PDGFC: variants seen among roughly 807,000 people sequenced by gnomAD.
The protein encoded by PDGFC is platelet derived growth factor C.
In PDGFC, 12 loss-of-function variants were observed where a neutral mutation model predicts 35.5. That is an observed-to-expected ratio of 0.34 (90% CI 0.22 to 0.55). PDGFC has a LOEUF of 0.55. PDGFC is among the 20% of genes least tolerant of loss of function. PDGFC has a pLI of 0.91. For missense variants in PDGFC, 322 were observed against 412.4 expected (o/e 0.78, Z 1.90); for synonymous variants, 159 against 148.8 (o/e 1.07, Z -0.50).
At chr4:156,819,538 T>C (rs1348304134) in intron 2 of PDGFC, among the ~76,000 whole-genome samples, 1 of 152,220 alleles carries the variant, frequency 6.6e-6, no homozygotes, top group Non-Finnish European at 1.5e-5. Context: ...GTTTACAGCA[T>C]GGTTTACTAA....
intron 1 of PDGFC, among the ~76,000 whole-genome samples, chr4:156,912,425 G>A (rs1731059413): frequency 6.6e-6 from 1 of 152,118 alleles, no homozygotes; most frequent in South Asian, 2.1e-4. Flanking sequence ...ATGTGGAAGT[G>A]GTCAGGGTTC....
At position 156,825,587 on chromosome 4, in the gene PDGFC, TAATAATAAGAAG is replaced by T. The variant is rs1418123670; in HGVS notation, c.315-14582_315-14571del. ...ATAATAATAATAATAATAATAATAA[TAATAATAAGAAG>T]AAGAAGAAGAAGAAGAAGAAGAAGA... On this transcript the variant is annotated intron_variant, in intron 2 of 5. Transcript: ENST00000502773. Among the ~76,000 whole-genome samples, 682 of 87,052 alleles carry T rather than the reference TAATAATAAGAAG, an allele frequency of 7.8e-3. 3 individuals carry two copies. The highest frequency in any genetic ancestry group is 0.014 in the African/African-American group (234 of 16,226). 57.1% of individuals were successfully genotyped at this position (87,052 alleles called of 152,430 possible).
Position 156,970,990 on chromosome 4 carries a change from C to T in PDGFC, c.-87G>A. ...CTCTTTCACCACCGCCAGGGGAAGGCTGCACTGGGGTGGAAGCGCCGAGCC... is the reference window on the plus strand; with the variant it reads ...CTCTTTCACCACCGCCAGGGGAAGGTTGCACTGGGGTGGAAGCGCCGAGCC... On this transcript the variant is annotated 5_prime_UTR_variant, in exon 1 of 6. Coordinates refer to ENST00000502773, the MANE Select transcript of PDGFC (RefSeq NM_016205.3). 2 of 835,308 alleles carry T rather than the reference C, an allele frequency of 2.4e-6. No homozygotes were observed. The highest frequency in any genetic ancestry group is 2.9e-5 in the South Asian group (2 of 68,904). The allele number at this position is 835,308 out of a possible 1,614,324, so 51.7% of individuals were successfully genotyped here.
At position 156,785,841 on chromosome 4, in the gene PDGFC, C is replaced by G. The variant is rs555993296; in HGVS notation, c.496-12948G>C. Among the ~76,000 whole-genome samples, 8 of 152,258 alleles carry G rather than the reference C, an allele frequency of 5.3e-5. No homozygotes were observed. The East Asian group carries it at 1.4e-3, about 26-fold the overall frequency. ...AGTCACAGTGAGATTTAATAAAGTT[C>G]TAGGTCAGTTGATCAATATCTTCCC... is the stretch of plus-strand genomic sequence containing the variant. On this transcript the variant is annotated intron_variant, in intron 3 of 5. Coordinates refer to ENST00000502773, the MANE Select transcript of PDGFC (RefSeq NM_016205.3).
chr4:156,829,362 T>A (rs1433173325), intron 2 of PDGFC, among the ~76,000 whole-genome samples: 3 of 152,198 alleles, frequency 2.0e-5, no homozygotes, highest in Admixed American at 6.5e-5. Context: ...ATCATTGTAA[T>A]AAGTCCTGCT....
chr4:156,875,691 G>T (rs983215135), intron 1 of PDGFC, among the ~76,000 whole-genome samples: 2 of 152,194 alleles, frequency 1.3e-5, no homozygotes, highest in East Asian at 1.9e-4. Flanking sequence ...GCTGAGGTGG[G>T]CAGATCACTT....
At chr4:156,909,007 T>C (rs1216448814) in intron 1 of PDGFC, among the ~76,000 whole-genome samples, 3 of 152,156 alleles carry the variant, frequency 2.0e-5, no homozygotes, top group Non-Finnish European at 4.4e-5. Context: ...CAATTTCATG[T>C]TTGTAAAACG....
intron 1 of PDGFC, among the ~76,000 whole-genome samples, chr4:156,920,678 C>CAT (rs1731254560): frequency 6.6e-6 from 1 of 151,142 alleles, no homozygotes; most frequent in South Asian, 2.1e-4. Flanking sequence ...CACACACACA[C>CAT]ACACACACAC....
At position 156,876,968 on chromosome 4, in the gene PDGFC, G is replaced by A. The variant is rs77950919; in HGVS notation, c.119-26552C>T. On this transcript the variant is annotated intron_variant, in intron 1 of 5. Transcript: ENST00000502773. ...AATAAAATGAATGTATCTGCATTCT[G>A]CTTTTCAACAGTCAAAAACAATACA... 9.2e-3 allele frequency: 1,406 copies of A among 152,132 alleles called. 20 individuals are homozygous for A. The highest frequency in any genetic ancestry group is 0.031 in the African/African-American group (1,308 of 41,538). 9.4% of individuals were successfully genotyped at this position (152,132 alleles called of 1,614,324 possible).
chr4:156,903,104 A>AGAGAGTGTGTGTGTGT (rs368483475), intron 1 of PDGFC, among the ~76,000 whole-genome samples: 1 of 130,678 alleles, frequency 7.7e-6, no homozygotes, highest in African/African-American at 2.8e-5. Flanking sequence ...AGAGAGAGAG[A>AGAGAGTGTGTGTGTGT]GTGTGTGTGT....
intron 1 of PDGFC, among the ~76,000 whole-genome samples, chr4:156,918,948 T>C (rs1339458090): frequency 1.3e-5 from 2 of 152,190 alleles, no homozygotes. Context: ...TATTGTACTA[T>C]AATAAAGCTA....
intron 1 of PDGFC, among the ~76,000 whole-genome samples, chr4:156,937,695 T>G (rs183330534): frequency 1.3e-5 from 2 of 152,216 alleles, no homozygotes; most frequent in East Asian, 3.9e-4. Flanking sequence ...AACAAAACTT[T>G]TCTAAATAAA....
At chr4:156,933,802 C>G (rs1731611730) in intron 1 of PDGFC, among the ~76,000 whole-genome samples, 1 of 152,068 alleles carries the variant, frequency 6.6e-6, no homozygotes, top group Non-Finnish European at 1.5e-5. Flanking sequence ...AAAAGTGTAG[C>G]ACTTTCCCCG....
chr4:156,865,806 T>A lies in PDGFC; in HGVS notation c.119-15390A>T, dbSNP rs111425494. 6.0e-3 allele frequency among the ~76,000 whole-genome samples: 916 copies of A among 152,340 alleles called. 5 individuals carry two copies. The highest frequency in any genetic ancestry group is 0.021 in the African/African-American group (862 of 41,574). On this transcript the variant is annotated intron_variant, in intron 1 of 5. Transcript: ENST00000502773. ...GGGTGAGTTGTAGCAGAAGTTCATA[T>A]GTTTTAAAATGAGCAGTGGTTTTCT...
At chr4:156,803,729 A>G (rs1050407985) in intron 3 of PDGFC, among the ~76,000 whole-genome samples, 2 of 152,246 alleles carry the variant, frequency 1.3e-5, no homozygotes, top group East Asian at 3.9e-4. Context: ...AAATTAACTG[A>G]CAAAATTAAA....
At chr4:156,813,020 C>G (rs1031958019) in intron 2 of PDGFC, among the ~76,000 whole-genome samples, 21 of 152,174 alleles carry the variant, frequency 1.4e-4, no homozygotes, top group African/African-American at 5.1e-4. Flanking sequence ...CCAGTATAAC[C>G]ATTCCAGGAG....
chr4:156,922,213 T>C (rs1469927979), intron 1 of PDGFC, among the ~76,000 whole-genome samples: 1 of 151,924 alleles, frequency 6.6e-6, no homozygotes, highest in African/African-American at 2.4e-5. Context: ...TGTGTGTATA[T>C]CTGGTTCCTA....
chr4:156,970,705 T>C (rs1415550351), intron 1 of PDGFC, 81 bp downstream of exon 1: 5 of 840,414 alleles, frequency 5.9e-6, no homozygotes, highest in Non-Finnish European at 6.2e-6. Flanking sequence ...CAGTCTGGTA[T>C]ATATCACATA....
rs746119876 is a variant in PDGFC, at chr4:156,850,466, T to C, written c.119-50A>G. On this transcript the variant is annotated intron_variant, in intron 1 of 5. Transcript: ENST00000502773. ...ACATACATTTAGATTTCAAAAATTA[T>C]AGGTATCAAAGCAAGTGTTTATTAT... The C allele has an allele frequency of 3.7e-6, 4 of 1,089,010 alleles. No homozygotes were observed. The South Asian group carries it at 5.2e-5, about 14-fold the overall frequency. The allele number at this position is 1,089,010 out of a possible 1,614,324, so 67.5% of individuals were successfully genotyped here. A position where few individuals can be genotyped will look rare whatever the true frequency, so the allele number is the denominator to read the frequency against.
Sources: gnomAD v4.1 joint callset for allele counts (sites outside exome capture counted in the v4.1 genomes callset) on GRCh38, gnomAD v4.1.1 for gene constraint, MANE v1.5 for transcripts, NCBI Gene and HGNC (gene_info 2026-07-23, HGNC 2026-07-21) for gene names.